The following RPGRIP1L variants were observed in gnomAD, a reference collection of about 807,000 sequenced individuals.
RPGRIP1L encodes RPGRIP1 like, also known as protein fantom.
A neutral mutation model predicts 160.4 loss-of-function variants in RPGRIP1L; 131 were observed. That is an observed-to-expected ratio of 0.82 (90% confidence interval 0.71 to 0.94). RPGRIP1L has a LOEUF of 0.94. Ranked by LOEUF, RPGRIP1L falls within the 40% of genes least tolerant of loss-of-function variation. RPGRIP1L has a pLI of 0.00. For missense variants in RPGRIP1L, 1,522 were observed against 1,535.8 expected (o/e 0.99, Z 0.15); for synonymous variants, 510 against 515.8 (o/e 0.99, Z 0.15).
chr16:53,699,962 T>C (rs1314320944), intron 2 of RPGRIP1L, among the ~76,000 whole-genome samples: 1 of 152,270 alleles, frequency 6.6e-6, no homozygotes, highest in Non-Finnish European at 1.5e-5. Flanking sequence ...AAATGGAATG[T>C]ATCTTAAATC....
intron 6 of RPGRIP1L, among the ~76,000 whole-genome samples, chr16:53,678,177 A>C (rs1969330619): frequency 6.6e-6 from 1 of 151,940 alleles, no homozygotes; most frequent in Non-Finnish European, 1.5e-5. Flanking sequence ...AATTATGATC[A>C]AATCTTATAA....
At chr16:53,668,842 G>C (rs1192319191) in intron 9 of RPGRIP1L, among the ~76,000 whole-genome samples, 1 of 152,096 alleles carries the variant, frequency 6.6e-6, no homozygotes, top group Non-Finnish European at 1.5e-5. Flanking sequence ...TCTTGGCAGT[G>C]TATCAAAAGT....
intron 4 of RPGRIP1L, 99 bp downstream of exon 4, chr16:53,691,967 T>G (rs1970412443): frequency 8.8e-7 from 1 of 1,133,570 alleles, no homozygotes; most frequent in African/African-American, 1.5e-5. Context: ...CTAAAGACAC[T>G]TAAAAGCATG....
In RPGRIP1L at chr16:53,615,476, T is replaced by A. The variant is rs1328254558; in HGVS notation, c.3616+3549A>T. Among the ~76,000 whole-genome samples, 9 of 133,262 alleles carry A rather than the reference T, an allele frequency of 6.8e-5. No homozygotes were observed. The East Asian group carries it at 1.3e-3, about 19-fold the overall frequency. The allele number at this position is 133,262 out of a possible 152,430, so 87.4% of individuals were successfully genotyped here. A position where few individuals can be genotyped will look rare whatever the true frequency, so the allele number is the denominator to read the frequency against. The stretch of plus-strand genomic sequence containing the variant: ...AATATATATATATATATATATATTT[T>A]TTTTTTTTTTTTTTTGAGATGGAGT... On this transcript the variant is annotated intron_variant, in intron 24 of 26. Transcript: ENST00000647211.
chr16:53,625,692 C>T (rs1013424509), intron 22 of RPGRIP1L, among the ~76,000 whole-genome samples: 43 of 152,038 alleles, frequency 2.8e-4, no homozygotes, highest in Non-Finnish European at 4.4e-4. Context: ...GCGGTTTTGT[C>T]GAATAGAAAA....
Position 53,700,688 on chromosome 16 carries a change from C to G in RPGRIP1L, c.36G>C (p.Leu12Phe). ...GGTTTAGACCTGTATCTTTCACAGG[C>G]AAGTCTCCTGCAGTCTCATCAGTTG... is the stretch of plus-strand genomic sequence containing the variant. ...SGPTDETAGD[L>F]PVKDTGLNLF... The change falls in exon 2 of 27, where the codon TTG becomes TTC. Residue 12 changes from leucine (L) to phenylalanine (F), a missense_variant. Leu to Phe is a conservative substitution (Grantham distance 22). Transcript: ENST00000647211. 1 of 1,613,542 alleles carries G rather than the reference C, an allele frequency of 6.2e-7. No individual in the cohort carries two copies. The highest frequency in any genetic ancestry group is 8.5e-7 in the Non-Finnish European group (1 of 1,179,760).
chr16:53,608,948 T>C (rs17803830), intron 25 of RPGRIP1L, among the ~76,000 whole-genome samples: 25,620 of 152,162 alleles, frequency 0.17, 2,253 homozygotes, highest in Middle Eastern at 0.23. Flanking sequence ...GAAACACTCA[T>C]CCATGGTTGG....
rs1486267914 is a variant in RPGRIP1L at position 53,599,441 on chromosome 16, G to T, written c.*2635C>A. 1 of 152,130 alleles carries T rather than the reference G, an allele frequency of 6.6e-6. No homozygotes were observed. Among genetic ancestry groups the T allele is most frequent in the African/African-American group, 2.4e-5 (1 of 41,418 alleles). The allele number at this position is 152,130 out of a possible 1,614,324, so 9.4% of individuals were successfully genotyped here. A position where few individuals can be genotyped will look rare whatever the true frequency, so the allele number is the denominator to read the frequency against. On this transcript the variant is annotated 3_prime_UTR_variant, in exon 27 of 27. Transcript: ENST00000647211. Reference sequence around the variant, plus strand: ...TTTTCATGACAGTGGCTGGGAATTTGACATTTCTACTACAGTAGGCAAAAA... The same window carrying T: ...TTTTCATGACAGTGGCTGGGAATTTTACATTTCTACTACAGTAGGCAAAAA...
intron 17 of RPGRIP1L, among the ~76,000 whole-genome samples, chr16:53,642,635 G>A (rs567242567): frequency 2.6e-5 from 4 of 152,240 alleles, no homozygotes; most frequent in African/African-American, 7.2e-5. Flanking sequence ...ATTGATCAAA[G>A]ATACTGGATA....
At chr16:53,688,107 C>A in intron 4 of RPGRIP1L, 142 bp from the exon 5 acceptor site, 1 of 614,088 alleles carries the variant, frequency 1.6e-6, no homozygotes, top group Non-Finnish European at 2.9e-6. Flanking sequence ...ATTATAAATA[C>A]ACTGCCAAAG....
intron 9 of RPGRIP1L, among the ~76,000 whole-genome samples, chr16:53,667,513 G>A (rs1212664752): frequency 6.6e-6 from 1 of 152,164 alleles, no homozygotes; most frequent in African/African-American, 2.4e-5. Context: ...TGAGGCAGGA[G>A]GATGGCTTGA....
intron 4 of RPGRIP1L, among the ~76,000 whole-genome samples, chr16:53,689,402 C>T (rs1157806654): frequency 4.6e-5 from 7 of 152,114 alleles, no homozygotes; most frequent in Non-Finnish European, 7.4e-5. Flanking sequence ...TCCTCCCCAG[C>T]GCCCCATACT....
At chr16:53,626,649 A>C (rs1461842541) in intron 22 of RPGRIP1L, among the ~76,000 whole-genome samples, 1 of 151,990 alleles carries the variant, frequency 6.6e-6, no homozygotes, top group Non-Finnish European at 1.5e-5. Context: ...TACTAAAGAT[A>C]CAAAAATTAG....
chr16:53,637,593 T>C, intron 21 of RPGRIP1L, 102 bp downstream of exon 21: 1 of 1,026,524 alleles, frequency 9.7e-7, no homozygotes, highest in Non-Finnish European at 1.5e-6. Flanking sequence ...TATCGTGAAG[T>C]AGACGCTACC....
At position 53,599,167 on chromosome 16, in the gene RPGRIP1L, CAT is replaced by C. The variant is rs1402733757; in HGVS notation, c.*2907_*2908del. ...AATCACATGACCACTTCTCAGCCCA[CAT>C]GTCTTCATAACACATAGAAATTATT... On this transcript the variant is annotated 3_prime_UTR_variant, in exon 27 of 27. Coordinates refer to ENST00000647211, the MANE Select transcript of RPGRIP1L (RefSeq NM_015272.5). The C allele has an allele frequency of 1.3e-5, 2 of 152,182 alleles. No individual in the cohort carries two copies. Among genetic ancestry groups the C allele is most frequent in the Non-Finnish European group, 2.9e-5 (2 of 68,036 alleles). 9.4% of individuals were successfully genotyped at this position (152,182 alleles called of 1,614,324 possible).
intron 9 of RPGRIP1L, 138 bp downstream of exon 9, chr16:53,671,371 CT>C (rs1968707784): frequency 1.6e-6 from 1 of 637,298 alleles, no homozygotes; most frequent in Non-Finnish European, 2.8e-6. Flanking sequence ...CTTGTATTTC[CT>C]TTATACAGTT....
At chr16:53,612,527 A>G (rs1480715751) in intron 24 of RPGRIP1L, among the ~76,000 whole-genome samples, 1 of 148,590 alleles carries the variant, frequency 6.7e-6, no homozygotes, top group African/African-American at 2.5e-5. Flanking sequence ...TACCAATTCA[A>G]GATGTGGCAC....
At chr16:53,698,360 G>T (rs1237489336) in intron 2 of RPGRIP1L, among the ~76,000 whole-genome samples, 1 of 142,814 alleles carries the variant, frequency 7.0e-6, no homozygotes, top group African/African-American at 2.8e-5. Flanking sequence ...CCGTCCGGGA[G>T]GGAGGTGGGG....
At chr16:53,605,290 A>G in intron 26 of RPGRIP1L, 191 bp downstream of exon 26, 1 of 634,348 alleles carries the variant, frequency 1.6e-6, no homozygotes, top group Admixed American at 2.7e-5. Context: ...ATTCAAAGGA[A>G]AGCAGGGGGG....
Sources: allele counts gnomAD v4.1 joint callset (sites outside exome capture counted in the v4.1 genomes callset), GRCh38; gene constraint gnomAD v4.1.1; transcripts MANE v1.5; gene names NCBI Gene and HGNC (gene_info 2026-07-23, HGNC 2026-07-21).